PRMT8: variants seen among roughly 807,000 people sequenced by gnomAD.
PRMT8 encodes protein arginine methyltransferase 8.
In PRMT8, 7 loss-of-function variants were observed where a neutral mutation model predicts 47.1. That is an observed-to-expected ratio of 0.15 (90% CI 0.08 to 0.28). PRMT8 has a LOEUF of 0.28. PRMT8 is among the 10% of genes least tolerant of loss of function. PRMT8 has a pLI of 1.00. For missense variants in PRMT8, 237 were observed against 505.4 expected, an observed-to-expected ratio of 0.47 and a Z score of 5.09; for synonymous variants, 188 against 186.5, an observed-to-expected ratio of 1.01 and a Z score of -0.07.
chr12:3,552,619 C>T lies in PRMT8; in HGVS notation c.418-1032C>T. Reference sequence around the variant, plus strand: ...AGGGACCTGGCAGCCCAGGAAAGGGCTGGTTCTCCTGGGACCTGCACCCTG... The same window carrying T: ...AGGGACCTGGCAGCCCAGGAAAGGGTTGGTTCTCCTGGGACCTGCACCCTG... On this transcript the variant is annotated intron_variant, in intron 3 of 9. Transcript: ENST00000382622. This position sits in a 1 kb window ranked among gnomAD's most constrained non-coding sequence, Gnocchi z 4.5. The T allele has an allele frequency of 2.5e-6, 1 of 407,306 alleles. No individual in the cohort carries two copies. The highest frequency in any genetic ancestry group is 5.0e-6 in the Non-Finnish European group (1 of 200,222). 25.2% of individuals were successfully genotyped at this position (407,306 alleles called of 1,614,324 possible). A position where few individuals can be genotyped will look rare whatever the true frequency, so the allele number is the denominator to read the frequency against.
chr12:3,402,763 A>G (rs1258559318), intron 1 of PRMT8, among the ~76,000 whole-genome samples: 2 of 152,222 alleles, frequency 1.3e-5, no homozygotes, highest in African/African-American at 2.4e-5. Context: ...CAAAACCACA[A>G]TGAGATACCA....
intron 1 of PRMT8, among the ~76,000 whole-genome samples, chr12:3,434,451 C>T (rs1282488565): frequency 6.6e-6 from 1 of 152,196 alleles, no homozygotes; most frequent in African/African-American, 2.4e-5. Flanking sequence ...ATTGCTATTT[C>T]CTGAACATAC....
At chr12:3,506,422 G>A (rs1473103557) in intron 1 of PRMT8, among the ~76,000 whole-genome samples, 3 of 152,158 alleles carry the variant, frequency 2.0e-5, no homozygotes, top group Admixed American at 2.0e-4. Context: ...TTGAGGGAAG[G>A]CACCTTTGAT....
At chr12:3,455,827 C>G (rs564489545) in intron 1 of PRMT8, among the ~76,000 whole-genome samples, 1 of 152,106 alleles carries the variant, frequency 6.6e-6, no homozygotes. Flanking sequence ...ACTTGAAGCT[C>G]CAAGAGGTCA....
chr12:3,590,487 C>T (rs146539612), intron 8 of PRMT8, among the ~76,000 whole-genome samples: 66 of 152,218 alleles, frequency 4.3e-4, no homozygotes, highest in African/African-American at 1.5e-3. Flanking sequence ...AAAAATCTGC[C>T]TTCTAATCAT....
chr12:3,558,691 G>A (rs745496460), intron 4 of PRMT8, among the ~76,000 whole-genome samples: 6 of 152,174 alleles, frequency 3.9e-5, no homozygotes, highest in Non-Finnish European at 8.8e-5. Context: ...ATTGTGCGCT[G>A]GTTCCTCGTG....
chr12:3,446,544 G>A (rs1347939791), intron 1 of PRMT8, among the ~76,000 whole-genome samples: 1 of 152,166 alleles, frequency 6.6e-6, no homozygotes, highest in Non-Finnish European at 1.5e-5. Flanking sequence ...CCCTGGTCTG[G>A]GGACTTGTCT....
chr12:3,553,327 G>A (rs372704000), intron 3 of PRMT8: 38 of 401,198 alleles, frequency 9.5e-5, no homozygotes, highest in Admixed American at 6.4e-4. Flanking sequence ...TGGGGAGGAC[G>A]TACTGCCTCC....
At chr12:3,429,876 C>T (rs760733113) in intron 1 of PRMT8, among the ~76,000 whole-genome samples, 3 of 152,224 alleles carry the variant, frequency 2.0e-5, no homozygotes, top group African/African-American at 2.4e-5. Context: ...TGGTCAGAGT[C>T]CCCCACAGGG....
intron 1 of PRMT8, among the ~76,000 whole-genome samples, chr12:3,479,971 G>A (rs193079070): frequency 2.4e-4 from 36 of 152,090 alleles, no homozygotes; most frequent in Non-Finnish European, 5.0e-4. Flanking sequence ...GATGGGAGAG[G>A]GACAGGCTGT....
chr12:3,591,235 T>A (rs921324774), intron 8 of PRMT8, among the ~76,000 whole-genome samples: 1 of 151,970 alleles, frequency 6.6e-6, no homozygotes, highest in Admixed American at 6.5e-5. Context: ...CACTATGGCT[T>A]TGGGTCATAC....
At chr12:3,410,093 G>A (rs999729497) in intron 1 of PRMT8, among the ~76,000 whole-genome samples, 1 of 152,032 alleles carries the variant, frequency 6.6e-6, no homozygotes, top group African/African-American at 2.4e-5. Context: ...TTTCTGGAAG[G>A]TCCTAAATTC....
At chr12:3,510,212 G>A (rs150799640) in intron 1 of PRMT8, among the ~76,000 whole-genome samples, 8 of 152,266 alleles carry the variant, frequency 5.3e-5, no homozygotes, top group Non-Finnish European at 1.0e-4. Context: ...CTGCTCTGGG[G>A]TGGGGCGGCT....
At chr12:3,532,175 A>G (rs1297318438) in intron 1 of PRMT8, among the ~76,000 whole-genome samples, 1 of 151,628 alleles carries the variant, frequency 6.6e-6, no homozygotes, top group Non-Finnish European at 1.5e-5. Context: ...ATGTTTATAG[A>G]TCTCAGGAAA....
At chr12:3,511,561 C>T (rs1323680150) in intron 1 of PRMT8, among the ~76,000 whole-genome samples, 1 of 152,168 alleles carries the variant, frequency 6.6e-6, no homozygotes, top group Admixed American at 6.5e-5. Context: ...TTTTCTCTTC[C>T]CTTCCCAGGC....
intron 1 of PRMT8, among the ~76,000 whole-genome samples, chr12:3,404,756 T>C (rs1398672961): frequency 6.6e-6 from 1 of 152,252 alleles, no homozygotes; most frequent in Non-Finnish European, 1.5e-5. Context: ...TCTCTCTCTA[T>C]GAGTAGGAAT....
rs1038386028 is a variant in PRMT8, at chr12:3,570,348, G to A, written c.712+784G>A. Reference sequence around the variant, plus strand: ...ATTATACCAAACATGTTTTTGTAAAGTTGAACATGGCTGTGTCTCCTCAAC... The same window carrying A: ...ATTATACCAAACATGTTTTTGTAAAATTGAACATGGCTGTGTCTCCTCAAC... On this transcript the variant is annotated intron_variant, in intron 6 of 9. Coordinates refer to ENST00000382622, the MANE Select transcript of PRMT8 (RefSeq NM_019854.5). This position sits in a 1 kb window ranked among gnomAD's most constrained non-coding sequence, Gnocchi z 5.5. Among the ~76,000 whole-genome samples, 1 of 152,160 alleles carries A rather than the reference G, an allele frequency of 6.6e-6. No homozygotes were observed. The highest frequency in any genetic ancestry group is 1.5e-5 in the Non-Finnish European group (1 of 68,032).
intron 1 of PRMT8, among the ~76,000 whole-genome samples, chr12:3,526,216 G>A (rs1435574579): frequency 6.6e-6 from 1 of 152,132 alleles, no homozygotes; most frequent in African/African-American, 2.4e-5. Context: ...TTTTAAGGAA[G>A]AATAATATTA....
intron 1 of PRMT8, among the ~76,000 whole-genome samples, chr12:3,445,966 G>A (rs1864851734): frequency 6.6e-6 from 1 of 152,114 alleles, no homozygotes. Context: ...ATTCCACTGG[G>A]ACTCAGAGAC....
Sources: gnomAD v4.1 joint callset for allele counts (sites outside exome capture counted in the v4.1 genomes callset) on GRCh38, gnomAD v4.1.1 for gene constraint, Gnocchi (gnomAD v3.1) non-coding constraint, MANE v1.5 for transcripts, NCBI Gene and HGNC (gene_info 2026-07-23, HGNC 2026-07-21) for gene names.